Variants in ZNF292 observed in about 807,000 individuals in gnomAD.
ZNF292 encodes the protein 16 zinc-finger domain protein.
Under a neutral mutation model 217.9 loss-of-function variants are expected in ZNF292, and 26 were observed. The ratio of observed to expected loss-of-function variants is 0.12; its 90% CI spans 0.09 to 0.17. The LOEUF is 0.17. Among genes scored for constraint, ZNF292 ranks in the 10% least tolerant of loss-of-function variants. ZNF292 has a pLI of 1.00. For synonymous variants in ZNF292, 1,257 were observed against 1,124.1 expected (o/e 1.12, Z -2.37); for missense variants, 2,904 against 3,175.2 (o/e 0.91, Z 2.05).
chr6:87,164,929 ATT>A (rs71554705), intron 1 of ZNF292, among the ~76,000 whole-genome samples: 2 of 141,916 alleles, frequency 1.4e-5, no homozygotes, highest in Non-Finnish European at 3.1e-5. Context: ...TGCCCGTCTA[ATT>A]TTTTTTTTTT....
At chr6:87,239,075 ACTT>A (rs1240155172) in intron 5 of ZNF292, among the ~76,000 whole-genome samples, 3 of 152,376 alleles carry the variant, frequency 2.0e-5, no homozygotes, top group South Asian at 2.1e-4. Context: ...TCCTATGTCT[ACTT>A]CTTTCTACAC....
In ZNF292 at chr6:87,261,579, G is replaced by T; in HGVS notation, c.7950G>T (p.Thr2650=). 1.2e-6 allele frequency: 2 copies of T among 1,610,742 alleles called. No homozygotes were observed. The highest frequency in any genetic ancestry group is 1.7e-6 in the Non-Finnish European group (2 of 1,178,196). ...NHVCPCKESE[T]FVQFANPSQL... ...TATGTCCTTGTAAAGAAAGCGAAAC[G>T]TTTGTACAGTTTGCCAATCCATCAC... Residue 2650 remains threonine, a synonymous_variant, in exon 8 of 8, where the codon ACG becomes ACT. Coordinates refer to ENST00000369577, the MANE Select transcript of ZNF292 (RefSeq NM_015021.3).
Position 87,260,441 on chromosome 6 carries a change from C to T in ZNF292, c.6812C>T (p.Ser2271Leu), listed in dbSNP as rs1775505414. 1 of 1,613,388 alleles carries T rather than the reference C, an allele frequency of 6.2e-7. No individual in the cohort carries two copies. Among genetic ancestry groups the T allele is most frequent in the African/African-American group, 1.3e-5 (1 of 74,852 alleles). Residue 2271 changes from serine to leucine, a missense_variant, in exon 8 of 8, where the codon TCG becomes TTG. Transcript: ENST00000369577. ...TGTGACCGTATATATGCAACCCGGT[C>T]GAATCTCCTCCGACACATTTTTAAT... ...EGCDRIYATR[S>L]NLLRHIFNKH... is the part of the protein sequence containing the mutation.
intron 1 of ZNF292, among the ~76,000 whole-genome samples, chr6:87,191,119 A>T (rs1275299171): frequency 6.6e-6 from 1 of 152,120 alleles, no homozygotes; most frequent in Non-Finnish European, 1.5e-5. Context: ...ATTCCATATC[A>T]GTGTATTCAA....
intron 5 of ZNF292, among the ~76,000 whole-genome samples, chr6:87,239,443 G>GC (rs1330644596): frequency 1.3e-4 from 19 of 146,234 alleles, no homozygotes; most frequent in Non-Finnish European, 2.8e-4. Context: ...GGCGGGGGCT[G>GC]CCCCCCACCT....
chr6:87,215,860 T>C (rs1772726313), intron 1 of ZNF292, 43 bp from the exon 2 acceptor site: 1 of 1,482,614 alleles, frequency 6.7e-7, no homozygotes, highest in African/African-American at 1.4e-5. Flanking sequence ...ATGTATATTT[T>C]GATTTACATT....
chr6:87,249,908 CTA>C (rs1310753726), intron 7 of ZNF292, among the ~76,000 whole-genome samples: 3 of 151,548 alleles, frequency 2.0e-5, no homozygotes, highest in Non-Finnish European at 4.4e-5. Flanking sequence ...CAGGGTTTTA[CTA>C]TGTTTGCCAG....
chr6:87,175,112 G>A (rs2031518), intron 1 of ZNF292, among the ~76,000 whole-genome samples: 96,347 of 151,968 alleles, frequency 0.63, 32,201 homozygotes, highest in African/African-American at 0.86. Context: ...CTATGGACGA[G>A]TACATGTCTT....
chr6:87,226,302 ATAAGCCCTTATTTAGT>A (rs1773339668), intron 4 of ZNF292, among the ~76,000 whole-genome samples: 1 of 152,138 alleles, frequency 6.6e-6, no homozygotes, highest in Admixed American at 6.5e-5. Flanking sequence ...TTTGTGGGAA[ATAAGCCCTTATTTAGT>A]AATAAACTTT....
intron 1 of ZNF292, among the ~76,000 whole-genome samples, chr6:87,197,722 CA>C (rs11312557): frequency 0.34 from 26,255 of 77,260 alleles, 1,366 homozygotes; most frequent in Middle Eastern, 0.43. Flanking sequence ...CTCGCTGTTT[CA>C]AAAAAAAAAA....
rs1358945166 is a variant in ZNF292, at chr6:87,265,288, A to G, written c.*3487A>G. Among the ~76,000 whole-genome samples the G allele has an allele frequency of 1.3e-5, 2 of 151,882 alleles. No individual in the cohort carries two copies. Among genetic ancestry groups the G allele is most frequent in the East Asian group, 1.9e-4 (1 of 5,172 alleles). ...TGCTATCACACCCAGCTAATTTTGT[A>G]GTTTTGGCACAATCTCAGCTCAGTG... On this transcript the variant is annotated 3_prime_UTR_variant, in exon 8 of 8. Transcript: ENST00000369577.
rs1775742310 is a variant in ZNF292 at position 87,264,218 on chromosome 6, CTT to C, written c.*2418_*2419del. On this transcript the variant is annotated 3_prime_UTR_variant, in exon 8 of 8. Coordinates refer to ENST00000369577, the MANE Select transcript of ZNF292 (RefSeq NM_015021.3). ...GGTATACTTTTCCCCAGCCTATTGT[CTT>C]GAGATATCTTCTACAGCCTAAATTT... is the stretch of plus-strand genomic sequence containing the variant. 1 of 152,026 alleles carries C rather than the reference CTT, an allele frequency of 6.6e-6. No homozygotes were observed. The highest frequency in any genetic ancestry group is 1.9e-4 in the East Asian group (1 of 5,196). 9.4% of individuals were successfully genotyped at this position (152,026 alleles called of 1,614,324 possible).
intron 1 of ZNF292, among the ~76,000 whole-genome samples, chr6:87,161,659 T>A (rs1770758546): frequency 6.6e-6 from 1 of 152,224 alleles, no homozygotes; most frequent in African/African-American, 2.4e-5. Flanking sequence ...CAAGCAGTCC[T>A]CCCACCTTGG....
chr6:87,177,993 T>G (rs1205424598), intron 1 of ZNF292, among the ~76,000 whole-genome samples: 1 of 152,202 alleles, frequency 6.6e-6, no homozygotes, highest in African/African-American at 2.4e-5. Context: ...CTACAGCTTA[T>G]GTATCCTCCC....
intron 5 of ZNF292, among the ~76,000 whole-genome samples, chr6:87,238,912 G>GT (rs1774049188): frequency 6.6e-6 from 1 of 152,002 alleles, no homozygotes; most frequent in South Asian, 2.1e-4. Flanking sequence ...TCAAGCATCT[G>GT]TTTAACAAAG....
chr6:87,248,524 C>T (rs1203853114), intron 7 of ZNF292, among the ~76,000 whole-genome samples: 5 of 152,218 alleles, frequency 3.3e-5, no homozygotes, highest in Admixed American at 1.3e-4. Context: ...TAGAGGATCA[C>T]TTGAGCCCCA....
At chr6:87,177,259 G>A (rs1254995326) in intron 1 of ZNF292, among the ~76,000 whole-genome samples, 4 of 151,708 alleles carry the variant, frequency 2.6e-5, no homozygotes, top group African/African-American at 4.8e-5. Context: ...CCTGGGAGGC[G>A]GAGTTTGCAG....
chr6:87,236,148 CTT>C (rs1296589051), intron 5 of ZNF292, among the ~76,000 whole-genome samples: 1 of 152,220 alleles, frequency 6.6e-6, no homozygotes, highest in Non-Finnish European at 1.5e-5. Flanking sequence ...CCACCCTACT[CTT>C]TGTCCACTTC....
At chr6:87,253,774 T>C (rs1343832422) in intron 7 of ZNF292, among the ~76,000 whole-genome samples, 2 of 152,228 alleles carry the variant, frequency 1.3e-5, no homozygotes, top group Non-Finnish European at 2.9e-5. Flanking sequence ...ATTTTCTTTG[T>C]TGCCTTTTGA....
Sources: allele counts gnomAD v4.1 joint callset (sites outside exome capture counted in the v4.1 genomes callset), GRCh38; gene constraint gnomAD v4.1.1; transcripts MANE v1.5; gene names NCBI Gene and HGNC (gene_info 2026-07-23, HGNC 2026-07-21).